Variants in PCSK5 observed in about 807,000 individuals in gnomAD.
PCSK5 encodes the protein prohormone convertase 5.
Under a neutral mutation model 233.2 loss-of-function variants are expected in PCSK5, and 129 were observed. That is an observed-to-expected ratio of 0.55 (90% CI 0.48 to 0.64). The LOEUF (loss-of-function observed/expected upper bound fraction) is 0.64. PCSK5 is among the 30% of genes least tolerant of loss of function. PCSK5 has a pLI of 0.00. For synonymous variants in PCSK5, 825 were observed against 879.2 expected, an observed-to-expected ratio of 0.94 and a Z score of 1.09; for missense variants, 2,076 against 2,430.1, an observed-to-expected ratio of 0.85 and a Z score of 3.06.
At chr9:76,046,670 C>T (rs1368743272) in intron 5 of PCSK5, among the ~76,000 whole-genome samples, 94 of 147,932 alleles carry the variant, frequency 6.4e-4, no homozygotes, top group African/African-American at 2.2e-3. Context: ...ACGGCATTCT[C>T]CTGTCTCAGC....
At chr9:75,946,739 C>T (rs1824590196) in intron 2 of PCSK5, among the ~76,000 whole-genome samples, 1 of 152,138 alleles carries the variant, frequency 6.6e-6, no homozygotes, top group Non-Finnish European at 1.5e-5. Flanking sequence ...CAGGTGCCCA[C>T]CACCATGCCA....
intron 13 of PCSK5, 111 bp from the exon 14 acceptor site, chr9:76,174,875 T>A: frequency 1.1e-6 from 1 of 895,304 alleles, no homozygotes; most frequent in Non-Finnish European, 1.7e-6. Flanking sequence ...TTGATATCCA[T>A]CTGCCTCCCA....
In PCSK5 at chr9:76,358,790, G is replaced by A. The variant is rs758044583; in HGVS notation, c.5532G>A (p.Glu1844=). 3.3e-5 allele frequency: 53 copies of A among 1,612,760 alleles called. 1 individual carries two copies. The South Asian group carries it at 5.7e-4, about 17-fold the overall frequency. The change falls in exon 38 of 38, where the codon GAG becomes GAA. Residue 1844 remains glutamate (E), a synonymous_variant. Coordinates refer to ENST00000674117, the MANE Select transcript of PCSK5 (RefSeq NM_001372043.1). ...VIEYRDRDYD[E]DDDDDIVYMG... ...AGTACAGGGATCGGGACTATGATGA[G>A]GATGATGATGATGACATCGTCTACA...
At chr9:76,291,512 G>A (rs1191749552) in intron 24 of PCSK5, among the ~76,000 whole-genome samples, 3 of 152,170 alleles carry the variant, frequency 2.0e-5, no homozygotes, top group African/African-American at 7.2e-5. Context: ...GCAGGCCAGA[G>A]GAAGTCACCG....
intron 1 of PCSK5, among the ~76,000 whole-genome samples, chr9:75,915,590 A>G (rs1486130516): frequency 6.6e-6 from 1 of 152,252 alleles, no homozygotes; most frequent in African/African-American, 2.4e-5. Flanking sequence ...TTCTTTCACT[A>G]AATTACCTGC....
intron 28 of PCSK5, among the ~76,000 whole-genome samples, chr9:76,302,957 T>C (rs1828658561): frequency 8.4e-6 from 1 of 119,174 alleles, no homozygotes; most frequent in South Asian, 2.8e-4. Context: ...GTCAAAGTGG[T>C]TCTTTTTTTT....
At chr9:75,937,443 T>C (rs1824108249) in intron 2 of PCSK5, among the ~76,000 whole-genome samples, 2 of 152,196 alleles carry the variant, frequency 1.3e-5, no homozygotes, top group South Asian at 4.1e-4. Context: ...CCTCCCAAAG[T>C]GCTGGGATTA....
At chr9:76,205,345 C>T (rs1018918244) in intron 20 of PCSK5, among the ~76,000 whole-genome samples, 16 of 152,152 alleles carry the variant, frequency 1.1e-4, no homozygotes, top group Admixed American at 2.0e-4. Flanking sequence ...GCGAGACATT[C>T]GCAGACCATA....
chr9:76,347,610 G>A (rs2131513087), intron 35 of PCSK5, among the ~76,000 whole-genome samples: 1 of 152,196 alleles, frequency 6.6e-6, no homozygotes, highest in South Asian at 2.1e-4. Context: ...ACCAAACTTG[G>A]CCAGGTGCAG....
At chr9:76,158,947 T>C (rs775598977) in intron 11 of PCSK5, 36 bp from the exon 12 acceptor site, 1 of 1,567,724 alleles carries the variant, frequency 6.4e-7, no homozygotes, top group Non-Finnish European at 8.8e-7. Flanking sequence ...CTCTGTGATG[T>C]CATTTGCTCA....
intron 3 of PCSK5, among the ~76,000 whole-genome samples, chr9:76,001,299 GT>G (rs1827249177): frequency 6.6e-6 from 1 of 151,978 alleles, no homozygotes. Flanking sequence ...CACATGTCAT[GT>G]GGTCAAGTTA....
At position 76,017,606 on chromosome 9, in the gene PCSK5, T is replaced by TCA. The variant is rs904737456; in HGVS notation, c.412-6130_412-6129dup. Among the ~76,000 whole-genome samples the TCA allele has an allele frequency of 1.4e-4, 21 of 152,170 alleles. 1 individual carries two copies. The highest frequency in any genetic ancestry group is 2.8e-4 in the Non-Finnish European group (19 of 68,044). Reference sequence around the variant, plus strand: ...TCTCCTCTGCCCAATTCCCTTTAGCTCACCTCCTTATCTGCTCTGCTGAAT... The same window carrying TCA: ...TCTCCTCTGCCCAATTCCCTTTAGCTCACACCTCCTTATCTGCTCTGCTGAAT... On this transcript the variant is annotated intron_variant, in intron 3 of 37. Transcript: ENST00000674117.
chr9:76,237,743 C>G (rs918368134), intron 22 of PCSK5, among the ~76,000 whole-genome samples: 3 of 152,102 alleles, frequency 2.0e-5, no homozygotes, highest in African/African-American at 7.2e-5. Context: ...CCACTGCATT[C>G]CAGCCTGGAC....
chr9:76,234,456 G>A (rs975184365), intron 22 of PCSK5, among the ~76,000 whole-genome samples: 3 of 152,036 alleles, frequency 2.0e-5, no homozygotes, highest in Non-Finnish European at 4.4e-5. Flanking sequence ...TTTTTCTGGT[G>A]GAAGAGAATT....
At chr9:75,990,973 A>C (rs1377051147) in intron 3 of PCSK5, among the ~76,000 whole-genome samples, 2 of 152,210 alleles carry the variant, frequency 1.3e-5, no homozygotes, top group South Asian at 2.1e-4. Flanking sequence ...ATAAAAGCAA[A>C]CCTGTGTCAT....
intron 20 of PCSK5, among the ~76,000 whole-genome samples, chr9:76,226,072 A>G (rs993399580): frequency 2.0e-5 from 3 of 152,152 alleles, no homozygotes; most frequent in East Asian, 1.9e-4. Context: ...AAAATTGTAT[A>G]TAAGTTTCCC....
intron 27 of PCSK5, among the ~76,000 whole-genome samples, chr9:76,298,718 C>T (rs545465808): frequency 1.3e-5 from 2 of 152,296 alleles, no homozygotes; most frequent in South Asian, 2.1e-4. Context: ...TAATTAGCCA[C>T]ACCTTTCAGA....
At chr9:76,096,749 G>T (rs769100282) in intron 8 of PCSK5, among the ~76,000 whole-genome samples, 1 of 151,480 alleles carries the variant, frequency 6.6e-6, no homozygotes, top group Non-Finnish European at 1.5e-5. Flanking sequence ...TTACAGGTGC[G>T]CACCACTGTG....
intron 24 of PCSK5, among the ~76,000 whole-genome samples, chr9:76,259,809 A>G (rs1827109409): frequency 6.6e-6 from 1 of 152,098 alleles, no homozygotes; most frequent in South Asian, 2.1e-4. Flanking sequence ...TGGAAGAGCC[A>G]TACTTCAGTC....
Sources: gnomAD v4.1 joint callset for allele counts (sites outside exome capture counted in the v4.1 genomes callset) on GRCh38, gnomAD v4.1.1 for gene constraint, MANE v1.5 for transcripts, NCBI Gene and HGNC (gene_info 2026-07-23, HGNC 2026-07-21) for gene names.